Variants in ZC3HAV1 observed in about 807,000 individuals in gnomAD.
ZC3HAV1 encodes the protein zinc finger CCCH-type containing, antiviral 1.
ZC3HAV1 carries 41 observed loss-of-function variants against 86.6 expected under a neutral mutation model. The ratio of observed to expected loss-of-function variants is 0.47; its 90% confidence interval spans 0.37 to 0.61. The LOEUF is 0.61. Ranked by LOEUF, ZC3HAV1 falls within the 20% of genes least tolerant of loss-of-function variation. The pLI is 0.00. For missense variants in ZC3HAV1, 964 were observed against 1,141.1 expected (o/e 0.84, Z 2.24); for synonymous variants, 421 against 432.1 (o/e 0.97, Z 0.32).
At chr7:139,085,398 A>G (rs571957018) in intron 2 of ZC3HAV1, among the ~76,000 whole-genome samples, 18 of 152,368 alleles carry the variant, frequency 1.2e-4, no homozygotes, top group African/African-American at 4.1e-4. Flanking sequence ...TATATCAGGC[A>G]GTCAGGTTTG....
chr7:139,105,303 A>G (rs950824975), intron 1 of ZC3HAV1, among the ~76,000 whole-genome samples: 24 of 152,202 alleles, frequency 1.6e-4, no homozygotes, highest in African/African-American at 5.8e-4. Flanking sequence ...AGATTTCTGA[A>G]AGGCTCCATG....
At chr7:139,057,566 T>C (rs1178289548) in intron 9 of ZC3HAV1, among the ~76,000 whole-genome samples, 3 of 71,226 alleles carry the variant, frequency 4.2e-5, no homozygotes, top group Admixed American at 1.4e-4. Context: ...TGAGACGGAG[T>C]CTCCCTCTGT....
chr7:139,055,322 T>C (rs1435597630), intron 9 of ZC3HAV1, 27 bp from the exon 10 acceptor site: 2 of 1,594,590 alleles, frequency 1.3e-6, no homozygotes, highest in African/African-American at 1.3e-5. Flanking sequence ...AGAATTCACT[T>C]AACTCTCTGC....
rs753889325 is a variant in ZC3HAV1 at position 139,053,946 on chromosome 7, C to T, written c.2318+19G>A. On this transcript the variant is annotated intron_variant, in intron 11 of 12. Coordinates refer to ENST00000242351, the MANE Select transcript of ZC3HAV1 (RefSeq NM_020119.4). ...CTTTCCGGTTTTATGTAAAGAAACA[C>T]GATAACGTGGCCACCAACCATGTAA... 31 of 1,596,820 alleles carry T rather than the reference C, an allele frequency of 1.9e-5. No homozygotes were observed. The highest frequency in any genetic ancestry group is 2.6e-5 in the Non-Finnish European group (30 of 1,176,054).
chr7:139,082,201 G>T (rs950613465), intron 3 of ZC3HAV1, among the ~76,000 whole-genome samples: 8 of 151,992 alleles, frequency 5.3e-5, no homozygotes, highest in Non-Finnish European at 1.5e-5. Flanking sequence ...GGAGGCGGCC[G>T]GCCATTGCAG....
intron 3 of ZC3HAV1, among the ~76,000 whole-genome samples, chr7:139,081,689 G>A (rs1002904610): frequency 6.6e-6 from 1 of 152,150 alleles, no homozygotes; most frequent in Non-Finnish European, 1.5e-5. Flanking sequence ...CTATTTCTGA[G>A]CCTCAGTTTC....
chr7:139,089,101 C>CAA lies in ZC3HAV1; in HGVS notation c.444+521_444+522dup, dbSNP rs1195760878. On this transcript the variant is annotated intron_variant, in intron 2 of 12. Transcript: ENST00000242351. ...TGCGCAACACAGCGAGACTCCATCT[C>CAA]AAAAAAAAAAAAAAAAAAAAAAAAA... 5.7e-3 allele frequency among the ~76,000 whole-genome samples: 117 copies of CAA among 20,660 alleles called. 6 individuals are homozygous for CAA. Among genetic ancestry groups the CAA allele is most frequent in the African/African-American group, 0.014 (83 of 5,744 alleles). The allele number at this position is 20,660 out of a possible 152,430, so 13.6% of individuals were successfully genotyped here.
At position 139,099,858 on chromosome 7, in the gene ZC3HAV1, C is replaced by T. The variant is rs186757565; in HGVS notation, c.308+9166G>A. Among the ~76,000 whole-genome samples, 16 of 151,780 alleles carry T rather than the reference C, an allele frequency of 1.1e-4. No individual in the cohort carries two copies. The East Asian group carries it at 2.7e-3, about 26-fold the overall frequency. ...AAGAGAATCGCTTGAACCCAGGAGG[C>T]GGAGGTTGCAGTGAGCTGAGATCAC... On this transcript the variant is annotated intron_variant, in intron 1 of 12. Transcript: ENST00000242351.
intron 3 of ZC3HAV1, among the ~76,000 whole-genome samples, chr7:139,080,994 A>G (rs1817111546): frequency 6.6e-6 from 1 of 152,216 alleles, no homozygotes; most frequent in East Asian, 1.9e-4. Flanking sequence ...ATAAGGCCAA[A>G]GTATATCAGA....
intron 1 of ZC3HAV1, among the ~76,000 whole-genome samples, chr7:139,102,726 T>TACAC (rs1491404275): frequency 1.4e-4 from 17 of 125,016 alleles, no homozygotes; most frequent in African/African-American, 4.9e-4. Context: ...ACACTGTCTC[T>TACAC]ATACACACAC....
intron 12 of ZC3HAV1, among the ~76,000 whole-genome samples, chr7:139,049,144 C>A (rs58274038): frequency 1.2e-5 from 1 of 86,448 alleles, no homozygotes; most frequent in East Asian, 3.4e-4. Flanking sequence ...TTTTTTTTTT[C>A]GTTGTTGTTG....
chr7:139,093,337 G>A (rs561572097), intron 1 of ZC3HAV1, among the ~76,000 whole-genome samples: 3 of 152,306 alleles, frequency 2.0e-5, no homozygotes, highest in South Asian at 2.1e-4. Context: ...TAAGCAGGGT[G>A]CAAGCAGAGA....
intron 6 of ZC3HAV1, among the ~76,000 whole-genome samples, chr7:139,075,581 A>G (rs1201037185): frequency 6.6e-6 from 1 of 152,092 alleles, no homozygotes. Flanking sequence ...CTGGGACCAC[A>G]GGTGCGTGCT....
At chr7:139,066,298 AG>A (rs1816606190) in intron 7 of ZC3HAV1, among the ~76,000 whole-genome samples, 2 of 152,114 alleles carry the variant, frequency 1.3e-5, no homozygotes, top group Non-Finnish European at 2.9e-5. Flanking sequence ...CCTCTTCCCT[AG>A]TGGAAATGCC....
chr7:139,097,401 C>CATATATATATATATAT lies in ZC3HAV1; in HGVS notation c.309-7658_309-7643dup, dbSNP rs1183885767. Among the ~76,000 whole-genome samples the CATATATATATATATAT allele has an allele frequency of 1.2e-3, 74 of 63,800 alleles. 1 individual carries two copies. Among genetic ancestry groups the CATATATATATATATAT allele is most frequent in the Non-Finnish European group, 1.4e-3 (55 of 39,326 alleles). The allele number at this position is 63,800 out of a possible 152,430, so 41.9% of individuals were successfully genotyped here. ...TGGATGGAAACAAATATTGGAACTCCATATATATATATATATATATATATA... is the reference window on the plus strand; with the variant it reads ...TGGATGGAAACAAATATTGGAACTCCATATATATATATATATATATATATATATATATATATATATA... On this transcript the variant is annotated intron_variant, in intron 1 of 12. Coordinates refer to ENST00000242351, the MANE Select transcript of ZC3HAV1 (RefSeq NM_020119.4).
At position 139,054,184 on chromosome 7, in the gene ZC3HAV1, A is replaced by T. The variant is rs1816217276; in HGVS notation, c.2188-89T>A. 3.8e-6 allele frequency: 5 copies of T among 1,319,730 alleles called. No individual in the cohort carries two copies. In the South Asian group the frequency reaches 8.3e-5, roughly 22 times the overall value. 81.8% of individuals were successfully genotyped at this position (1,319,730 alleles called of 1,614,324 possible). A position where few individuals can be genotyped will look rare whatever the true frequency, so the allele number is the denominator to read the frequency against. ...TATGTGCCCCCTTATGCCATGAAGT[A>T]TTGTTACCAGGGTTCTTTCTAACAG... On this transcript the variant is annotated intron_variant, in intron 10 of 12. Transcript: ENST00000242351.
intron 4 of ZC3HAV1, 63 bp from the exon 5 acceptor site, chr7:139,078,716 T>C (rs924933053): frequency 2.5e-6 from 3 of 1,212,014 alleles, no homozygotes; most frequent in Non-Finnish European, 3.5e-6. Context: ...ATCAAAGCAC[T>C]TGGTCTCACA....
At chr7:139,102,813 G>C (rs973109940) in intron 1 of ZC3HAV1, among the ~76,000 whole-genome samples, 1 of 151,446 alleles carries the variant, frequency 6.6e-6, no homozygotes, top group Non-Finnish European at 1.5e-5. Flanking sequence ...CCCAGCTACT[G>C]GGAGGCTGAC....
At position 139,108,879 on chromosome 7, in the gene ZC3HAV1, G is replaced by A. The variant is rs1818016542; in HGVS notation, c.308+145C>T. ...GCGGGCCCTGCAGAGGCTCCCAGAG[G>A]GGAGCAGAGAAGGGAGTGGCTGGAG... On this transcript the variant is annotated intron_variant, in intron 1 of 12. Coordinates refer to ENST00000242351, the MANE Select transcript of ZC3HAV1 (RefSeq NM_020119.4). The surrounding 1 kb of genome is among the most constrained non-coding windows in gnomAD (Gnocchi z 4.2). The A allele has an allele frequency of 2.8e-6, 3 of 1,087,274 alleles. No homozygotes were observed. The highest frequency in any genetic ancestry group is 1.7e-5 in the South Asian group (1 of 59,486). The allele number at this position is 1,087,274 out of a possible 1,614,324, so 67.4% of individuals were successfully genotyped here.
Sources: allele counts gnomAD v4.1 joint callset (sites outside exome capture counted in the v4.1 genomes callset), GRCh38; gene constraint gnomAD v4.1.1; non-coding constraint Gnocchi (gnomAD v3.1); transcripts MANE v1.5; gene names NCBI Gene and HGNC (gene_info 2026-07-23, HGNC 2026-07-21).